The following WWOX variants were observed in gnomAD, a reference collection of about 807,000 sequenced individuals.
The protein encoded by WWOX is WW domain-containing oxidoreductase.
In WWOX, 69 loss-of-function variants were observed where a neutral mutation model predicts 46.2. That is an observed-to-expected ratio of 1.49 (90% CI 1.23 to 1.82). The LOEUF is 1.82. Ranked by LOEUF, WWOX falls within the 40% of genes most tolerant of loss-of-function variation. The pLI, the probability that WWOX is intolerant of heterozygous loss-of-function variation, is 0.00. For synonymous variants in WWOX, 359 were observed against 202.6 expected (o/e 1.77, Z -6.56); for missense variants, 919 against 542.6 (o/e 1.69, Z -6.89).
intron 8 of WWOX, among the ~76,000 whole-genome samples, chr16:78,904,803 A>G (rs6564620): frequency 0.99 from 150,392 of 152,288 alleles, 74,273 homozygotes; most frequent in Middle Eastern, 1. Context: ...TTTTATCAAC[A>G]CTTAGTTCTA....
intron 8 of WWOX, among the ~76,000 whole-genome samples, chr16:78,750,789 C>T (rs1434498483): frequency 6.6e-6 from 1 of 152,158 alleles, no homozygotes; most frequent in Admixed American, 6.6e-5. Context: ...ATAATGGCTT[C>T]AAGCTGTATC....
rs539722763 is a variant in WWOX, at chr16:78,416,400, C to A, written c.606-8470C>A. Among the ~76,000 whole-genome samples the A allele has an allele frequency of 2.5e-4, 38 of 152,302 alleles. No homozygotes were observed. In the Middle Eastern group the frequency reaches 0.01, roughly 41 times the overall value. On this transcript the variant is annotated intron_variant, in intron 6 of 8. Transcript: ENST00000566780. ...AACAAAGTCAAGCACTTTATAGTTT[C>A]ATATTCCACAAGCCTGTTTTTAATT...
chr16:79,070,771 A>G (rs765324256), intron 8 of WWOX, among the ~76,000 whole-genome samples: 3 of 152,188 alleles, frequency 2.0e-5, no homozygotes, highest in Non-Finnish European at 4.4e-5. Flanking sequence ...TTAACATTTG[A>G]TTTGTTTCTT....
intron 6 of WWOX, among the ~76,000 whole-genome samples, chr16:78,409,737 A>G (rs763658146): frequency 2.6e-5 from 4 of 152,178 alleles, no homozygotes; most frequent in African/African-American, 7.2e-5. Context: ...GCTGCTTTCT[A>G]GAGACTCCAG....
intron 4 of WWOX, among the ~76,000 whole-genome samples, chr16:78,158,931 T>C (rs1215245687): frequency 6.6e-6 from 1 of 152,144 alleles, no homozygotes; most frequent in Non-Finnish European, 1.5e-5. Context: ...TACCTCCTTG[T>C]TTCTCTCTCC....
intron 8 of WWOX, among the ~76,000 whole-genome samples, chr16:78,974,374 T>C (rs559830540): frequency 6.6e-6 from 1 of 152,310 alleles, no homozygotes; most frequent in South Asian, 2.1e-4. Flanking sequence ...GAACAGTACG[T>C]GGGTTCTTCC....
chr16:78,977,976 C>CTTCT (rs5818195), intron 8 of WWOX, among the ~76,000 whole-genome samples: 1 of 151,700 alleles, frequency 6.6e-6, no homozygotes, highest in Non-Finnish European at 1.5e-5. Context: ...GTAAATACCG[C>CTTCT]ATCTATTTCC....
At chr16:78,397,768 G>A (rs1268853283) in intron 6 of WWOX, among the ~76,000 whole-genome samples, 1 of 152,110 alleles carries the variant, frequency 6.6e-6, no homozygotes, top group African/African-American at 2.4e-5. Context: ...CAGGTGATCC[G>A]CCCACCTCAA....
chr16:79,175,098 T>C (rs2050774501), intron 8 of WWOX, among the ~76,000 whole-genome samples: 1 of 152,200 alleles, frequency 6.6e-6, no homozygotes, highest in Admixed American at 6.5e-5. Context: ...ACTTCTCTAG[T>C]GTTTGGGATT....
At chr16:78,106,316 C>T (rs1398095663) in intron 1 of WWOX, among the ~76,000 whole-genome samples, 2 of 150,882 alleles carry the variant, frequency 1.3e-5, no homozygotes, top group African/African-American at 4.9e-5. Flanking sequence ...TGTTGCCATT[C>T]ATTTTGAAGG....
chr16:78,570,449 C>T (rs1362592395), intron 8 of WWOX, among the ~76,000 whole-genome samples: 2 of 152,168 alleles, frequency 1.3e-5, no homozygotes, highest in East Asian at 3.8e-4. Context: ...GCTGGGATTA[C>T]AGGCATACAC....
chr16:79,153,477 C>A (rs530525232), intron 8 of WWOX, among the ~76,000 whole-genome samples: 8 of 152,248 alleles, frequency 5.3e-5, no homozygotes, highest in African/African-American at 1.9e-4. Context: ...TCGGGAATGC[C>A]TTTTGTCGTT....
At chr16:78,363,974 C>T (rs1247989337) in intron 5 of WWOX, among the ~76,000 whole-genome samples, 3 of 152,182 alleles carry the variant, frequency 2.0e-5, no homozygotes, top group East Asian at 1.9e-4. Context: ...TCCGACTGAC[C>T]AAGTGGGCAA....
At chr16:78,455,211 A>C (rs11865280) in intron 8 of WWOX, among the ~76,000 whole-genome samples, 9,752 of 152,248 alleles carry the variant, frequency 0.064, 482 homozygotes, top group South Asian at 0.16. Context: ...TGTCGGAGGC[A>C]AACATGTTGA....
chr16:78,933,216 A>G (rs4887993), intron 8 of WWOX, among the ~76,000 whole-genome samples: 1 of 152,224 alleles, frequency 6.6e-6, no homozygotes, highest in Non-Finnish European at 1.5e-5. Context: ...AGGCGGGTGG[A>G]TCACCTAAGG....
rs115832612 is a variant in WWOX at position 78,663,053 on chromosome 16, G to A, written c.1056+230301G>A. Among the ~76,000 whole-genome samples, 489 of 152,198 alleles carry A rather than the reference G, an allele frequency of 3.2e-3. 1 individual carries two copies. Among genetic ancestry groups the A allele is most frequent in the African/African-American group, 0.011 (469 of 41,514 alleles). On this transcript the variant is annotated intron_variant, in intron 8 of 8. Transcript: ENST00000566780. The stretch of plus-strand genomic sequence containing the variant: ...TCCCTTTAAAGTGGACAATTCATTG[G>A]CTTATCGTATAGTCACAAACTTGTG...
chr16:78,223,670 G>C (rs115212798), intron 5 of WWOX, among the ~76,000 whole-genome samples: 1 of 152,296 alleles, frequency 6.6e-6, no homozygotes, highest in African/African-American at 2.4e-5. Flanking sequence ...TTTCCAGCCT[G>C]GGTTTCCCAA....
At chr16:78,718,822 T>G (rs34504953) in intron 8 of WWOX, among the ~76,000 whole-genome samples, 43 of 152,280 alleles carry the variant, frequency 2.8e-4, no homozygotes, top group Non-Finnish European at 5.3e-4. Flanking sequence ...TTCTATTGGT[T>G]CCTTTGGAGG....
chr16:78,553,927 A>G (rs1363572613), intron 8 of WWOX, among the ~76,000 whole-genome samples: 1 of 152,010 alleles, frequency 6.6e-6, no homozygotes, highest in African/African-American at 2.4e-5. Context: ...GTGCAGAGAG[A>G]AAAGTGTAGA....
Sources: allele counts gnomAD v4.1 joint callset (sites outside exome capture counted in the v4.1 genomes callset), GRCh38; gene constraint gnomAD v4.1.1; transcripts MANE v1.5; gene names NCBI Gene and HGNC (gene_info 2026-07-23, HGNC 2026-07-21).